Variants in SLC24A2 observed in about 807,000 individuals in gnomAD.
SLC24A2 encodes the protein solute carrier family 24 member 2, also known as sodium/potassium/calcium exchanger 2.
A neutral mutation model predicts 62.0 loss-of-function variants in SLC24A2; 36 were observed. The ratio of observed to expected loss-of-function variants is 0.58; its 90% CI spans 0.44 to 0.77. The LOEUF is 0.77. SLC24A2 is among the 30% of genes least tolerant of loss of function. SLC24A2 has a pLI of 0.00. For missense variants in SLC24A2, 846 were observed against 817.9 expected, an observed-to-expected ratio of 1.03 and a Z score of -0.42; for synonymous variants, 358 against 294.0, an observed-to-expected ratio of 1.22 and a Z score of -2.23.
chr9:20,017,905 C>G, the SLC24A2 span, among the ~76,000 whole-genome samples: 11 of 152,176 alleles, frequency 7.2e-5, no homozygotes, highest in Non-Finnish European at 1.3e-4. Context: ...ATGTTAATCT[C>G]CTTTGGCAAC....
intron 8 of SLC24A2, among the ~76,000 whole-genome samples, chr9:19,534,759 T>G (rs569377309): frequency 6.6e-6 from 1 of 152,330 alleles, no homozygotes; most frequent in East Asian, 1.9e-4. Context: ...AGTCTACCAC[T>G]GATGGACATG....
the SLC24A2 span, among the ~76,000 whole-genome samples, chr9:20,050,918 A>G: frequency 6.6e-6 from 1 of 152,214 alleles, no homozygotes; most frequent in Non-Finnish European, 1.5e-5. Flanking sequence ...TGACTTCCAA[A>G]TTAACAGAAG....
the SLC24A2 span, among the ~76,000 whole-genome samples, chr9:20,007,099 A>C: frequency 1.1e-4 from 16 of 152,300 alleles, 1 homozygote; most frequent in Admixed American, 1.0e-3. Flanking sequence ...AGGACTGGTA[A>C]ATCAGATGAC....
the SLC24A2 span, among the ~76,000 whole-genome samples, chr9:19,902,861 A>G: frequency 3.9e-5 from 6 of 152,192 alleles, no homozygotes; most frequent in Non-Finnish European, 5.9e-5. Flanking sequence ...CAGATATAAC[A>G]TATTTGACAT....
chr9:20,165,781 T>C, the SLC24A2 span, among the ~76,000 whole-genome samples: 5 of 151,698 alleles, frequency 3.3e-5, no homozygotes, highest in African/African-American at 9.7e-5. Flanking sequence ...AATGAAAAAA[T>C]TGATAAATTT....
the SLC24A2 span, among the ~76,000 whole-genome samples, chr9:19,898,842 G>C: frequency 3.3e-5 from 5 of 151,308 alleles, no homozygotes; most frequent in African/African-American, 7.3e-5. Flanking sequence ...TTATAAACAA[G>C]AGAATCTACT....
the SLC24A2 span, among the ~76,000 whole-genome samples, chr9:19,871,335 A>T: frequency 6.6e-6 from 1 of 152,214 alleles, no homozygotes; most frequent in East Asian, 1.9e-4. Flanking sequence ...TTAGATGTGA[A>T]TTCTTCTTAT....
chr9:19,617,097 CA>C (rs1817787935), intron 4 of SLC24A2, among the ~76,000 whole-genome samples: 1 of 152,150 alleles, frequency 6.6e-6, no homozygotes, highest in Admixed American at 6.5e-5. Flanking sequence ...TTGGGGAAGA[CA>C]ATTTTTCCAT....
At chr9:19,946,205 G>T in the SLC24A2 span, among the ~76,000 whole-genome samples, 1 of 152,130 alleles carries the variant, frequency 6.6e-6, no homozygotes, top group Non-Finnish European at 1.5e-5. Flanking sequence ...AGGACTGCTG[G>T]TAAGTAAAAC....
chr9:19,748,999 A>G lies in SLC24A2; in HGVS notation c.930+36938T>C, dbSNP rs562190763. Among the ~76,000 whole-genome samples the G allele has an allele frequency of 4.6e-5, 7 of 151,336 alleles. No individual in the cohort carries two copies. The South Asian group carries it at 1.5e-3, about 32-fold the overall frequency. On this transcript the variant is annotated intron_variant, in intron 2 of 10. Coordinates refer to ENST00000341998, the MANE Select transcript of SLC24A2 (RefSeq NM_020344.4). Reference sequence around the variant, plus strand: ...GAGACCTTGAAGTACAGGATAAGACACATTTGATCAGCACAACCAGCTTCC... The same window carrying G: ...GAGACCTTGAAGTACAGGATAAGACGCATTTGATCAGCACAACCAGCTTCC...
At chr9:19,893,549 T>C in the SLC24A2 span, among the ~76,000 whole-genome samples, 1 of 152,246 alleles carries the variant, frequency 6.6e-6, no homozygotes, top group Non-Finnish European at 1.5e-5. Context: ...TACTACTGGA[T>C]ATCTGGCATT....
At chr9:20,186,875 C>G in the SLC24A2 span, among the ~76,000 whole-genome samples, 2 of 152,296 alleles carry the variant, frequency 1.3e-5, no homozygotes, top group African/African-American at 2.4e-5. Flanking sequence ...GCAATTACAT[C>G]CATGCCTGTT....
the SLC24A2 span, among the ~76,000 whole-genome samples, chr9:19,812,510 A>T: frequency 6.6e-5 from 10 of 152,026 alleles, no homozygotes; most frequent in Non-Finnish European, 1.5e-4. Flanking sequence ...TAGAACTTTC[A>T]TTTGATTCTT....
chr9:20,044,612 T>C, the SLC24A2 span, among the ~76,000 whole-genome samples: 1 of 150,770 alleles, frequency 6.6e-6, no homozygotes, highest in South Asian at 2.1e-4. Context: ...GCATATTTTA[T>C]CTCATCTAAT....
intron 7 of SLC24A2, among the ~76,000 whole-genome samples, chr9:19,560,916 TAGAGAGAG>T (rs139732950): frequency 0.27 from 32,045 of 119,044 alleles, 4,231 homozygotes; most frequent in East Asian, 0.49. Context: ...TATATATATA[TAGAGAGAG>T]AGAGAGAGAG....
chr9:20,077,204 G>C, the SLC24A2 span, among the ~76,000 whole-genome samples: 1 of 151,876 alleles, frequency 6.6e-6, no homozygotes, highest in Non-Finnish European at 1.5e-5. Context: ...GTAGGGTGAA[G>C]GAGTCTAGAG....
chr9:20,302,850 T>G, the SLC24A2 span, among the ~76,000 whole-genome samples: 1 of 152,220 alleles, frequency 6.6e-6, no homozygotes, highest in Non-Finnish European at 1.5e-5. Context: ...ATATAACCAA[T>G]TATTTCCCAT....
the SLC24A2 span, among the ~76,000 whole-genome samples, chr9:20,236,392 G>C: frequency 6.6e-6 from 1 of 152,202 alleles, no homozygotes; most frequent in African/African-American, 2.4e-5. Flanking sequence ...GCTGTTTATT[G>C]ATTTCCAAGA....
chr9:20,047,955 G>C, the SLC24A2 span, among the ~76,000 whole-genome samples: 1 of 152,106 alleles, frequency 6.6e-6, no homozygotes, highest in Non-Finnish European at 1.5e-5. Flanking sequence ...AGATAGGTTA[G>C]TAGTTAGGTT....
Sources: gnomAD v4.1 joint callset for allele counts (sites outside exome capture counted in the v4.1 genomes callset) on GRCh38, gnomAD v4.1.1 for gene constraint, MANE v1.5 for transcripts, NCBI Gene and HGNC (gene_info 2026-07-23, HGNC 2026-07-21) for gene names.